Variants in CTTNBP2NL observed in about 807,000 individuals in gnomAD.
CTTNBP2NL encodes the protein CTTNBP2 N-terminal like.
A neutral mutation model predicts 32.5 loss-of-function variants in CTTNBP2NL; 16 were observed. The observed-to-expected ratio is 0.49, with a 90% CI of 0.33 to 0.75. CTTNBP2NL has a LOEUF of 0.75. Ranked by LOEUF, CTTNBP2NL falls within the 30% of genes least tolerant of loss-of-function variation. CTTNBP2NL has a pLI of 0.02. For missense variants in CTTNBP2NL, 645 were observed against 756.0 expected (o/e 0.85, Z 1.72); for synonymous variants, 298 against 289.4 (o/e 1.03, Z -0.30).
At chr1:112,452,335 CTTTTTTTTTTTTTTTT>C (rs1157736195) in intron 4 of CTTNBP2NL, among the ~76,000 whole-genome samples, 1 of 65,688 alleles carries the variant, frequency 1.5e-5, no homozygotes, top group Non-Finnish European at 2.8e-5. Flanking sequence ...CCAGTCTCTT[CTTTTTTTTTTTTTTTT>C]TTTTTTTTTT....
chr1:112,407,866 G>A (rs2483333), intron 1 of CTTNBP2NL, among the ~76,000 whole-genome samples: 62,550 of 123,960 alleles, frequency 0.5, 18,632 homozygotes, highest in African/African-American at 0.85. Context: ...TTTTTTTGAG[G>A]CAGGGTCTCG....
chr1:112,397,440 C>T (rs1264209793), intron 1 of CTTNBP2NL, among the ~76,000 whole-genome samples: 1 of 152,168 alleles, frequency 6.6e-6, no homozygotes, highest in Non-Finnish European at 1.5e-5. Context: ...TCCCCGCCCC[C>T]AGGAAACATT....
Position 112,407,702 on chromosome 1 carries a change from C to T in CTTNBP2NL, c.-133-4492C>T, listed in dbSNP as rs183210640. On this transcript the variant is annotated intron_variant, in intron 1 of 5. Coordinates refer to ENST00000271277, the MANE Select transcript of CTTNBP2NL (RefSeq NM_018704.3). ...AGTAATCCAAATATTCCAGTAATAT[C>T]TTTCACCTTCATCTGAGAGAAGCTT... Among the ~76,000 whole-genome samples the T allele has an allele frequency of 1.9e-3, 285 of 152,256 alleles. 2 individuals carry two copies. The highest frequency in any genetic ancestry group is 6.4e-3 in the African/African-American group (267 of 41,532).
intron 1 of CTTNBP2NL, among the ~76,000 whole-genome samples, chr1:112,402,397 A>G (rs954281997): frequency 1.3e-5 from 2 of 152,240 alleles, no homozygotes; most frequent in South Asian, 4.2e-4. Flanking sequence ...CAGGCTGGGC[A>G]ACAACAGTGA....
upstream of CTTNBP2NL, among the ~76,000 whole-genome samples, chr1:112,395,244 T>C (rs191886478): frequency 4.6e-5 from 7 of 152,366 alleles, no homozygotes; most frequent in East Asian, 1.3e-3. Context: ...ATAATGTGGT[T>C]ATTGTAAATG....
intron 1 of CTTNBP2NL, among the ~76,000 whole-genome samples, chr1:112,404,812 G>T (rs1166718807): frequency 6.6e-6 from 1 of 152,190 alleles, no homozygotes; most frequent in Non-Finnish European, 1.5e-5. Context: ...AGCACTTTGG[G>T]AGGCCGAGGT....
In CTTNBP2NL at chr1:112,458,878, GA is replaced by G. The variant is rs1650462532; in HGVS notation, c.*1469del. 1 of 152,146 alleles carries G rather than the reference GA, an allele frequency of 6.6e-6. No homozygotes were observed. The highest frequency in any genetic ancestry group is 1.9e-4 in the East Asian group (1 of 5,194). The allele number at this position is 152,146 out of a possible 1,614,324, so 9.4% of individuals were successfully genotyped here. ...AACTCAACTGGTCATATAAATGAGT[GA>G]AACAGGCCTCTCACACAAGCGATGT... On this transcript the variant is annotated 3_prime_UTR_variant, in exon 6 of 6. Coordinates refer to ENST00000271277, the MANE Select transcript of CTTNBP2NL (RefSeq NM_018704.3).
At chr1:112,438,064 C>T (rs1175644) in intron 3 of CTTNBP2NL, among the ~76,000 whole-genome samples, 2,755 of 152,138 alleles carry the variant, frequency 0.018, 71 homozygotes, top group African/African-American at 0.058. Flanking sequence ...AGGTTGTCTT[C>T]CAGGGTTTTT....
At chr1:112,431,810 A>AG (rs1649575420) in intron 3 of CTTNBP2NL, among the ~76,000 whole-genome samples, 2 of 152,164 alleles carry the variant, frequency 1.3e-5, no homozygotes, top group Admixed American at 1.3e-4. Context: ...ATTAGGTTTT[A>AG]TACACACAGA....
intron 1 of CTTNBP2NL, among the ~76,000 whole-genome samples, chr1:112,405,592 C>T (rs1235384174): frequency 6.6e-6 from 1 of 152,042 alleles, no homozygotes; most frequent in Non-Finnish European, 1.5e-5. Context: ...GCCGCTGCAC[C>T]CAGCCCAGAC....
At chr1:112,430,138 A>C (rs1357794680) in intron 3 of CTTNBP2NL, among the ~76,000 whole-genome samples, 2 of 152,230 alleles carry the variant, frequency 1.3e-5, no homozygotes, top group East Asian at 3.9e-4. Context: ...GAAAAACATC[A>C]AACCCCATAT....
chr1:112,422,970 T>G (rs1358607340), intron 3 of CTTNBP2NL, among the ~76,000 whole-genome samples: 1 of 152,064 alleles, frequency 6.6e-6, no homozygotes, highest in East Asian at 1.9e-4. Flanking sequence ...TTTTTAAAAT[T>G]TTTAGTAGAA....
intron 3 of CTTNBP2NL, among the ~76,000 whole-genome samples, chr1:112,430,188 T>C (rs1649521603): frequency 9.7e-6 from 1 of 103,274 alleles, no homozygotes; most frequent in Admixed American, 1.1e-4. Context: ...TTTCTTTTCT[T>C]TTCTTTTCTT....
chr1:112,434,441 C>T (rs1270378283), intron 3 of CTTNBP2NL, among the ~76,000 whole-genome samples: 2 of 152,140 alleles, frequency 1.3e-5, no homozygotes, highest in East Asian at 3.9e-4. Flanking sequence ...AACCTGTTGG[C>T]TCTTCTCCAG....
At chr1:112,443,206 A>G (rs921491787) in intron 3 of CTTNBP2NL, among the ~76,000 whole-genome samples, 3 of 152,084 alleles carry the variant, frequency 2.0e-5, no homozygotes, top group Admixed American at 2.0e-4. Context: ...AGTTCATTCT[A>G]TTTCACAGTT....
intron 3 of CTTNBP2NL, among the ~76,000 whole-genome samples, chr1:112,432,222 C>A (rs984207633): frequency 6.6e-6 from 1 of 151,538 alleles, no homozygotes; most frequent in Non-Finnish European, 1.5e-5. Flanking sequence ...TACAGGCGCC[C>A]GCCACCACAC....
Position 112,456,012 on chromosome 1 carries a change from C to T in CTTNBP2NL, c.520C>T (p.Arg174Cys), listed in dbSNP as rs370336631. 9 of 1,613,874 alleles carry T rather than the reference C, an allele frequency of 5.6e-6. No homozygotes were observed. Among genetic ancestry groups the T allele is most frequent in the East Asian group, 2.2e-5 (1 of 44,882 alleles). Residue 174 changes from arginine to cysteine, a missense_variant, in exon 6 of 6, where the codon CGC becomes TGC. By Grantham distance (180) the Arg-to-Cys change is radical. Coordinates refer to ENST00000271277, the MANE Select transcript of CTTNBP2NL (RefSeq NM_018704.3). ...TAGTCAGCTGGAAGAGGAGCGCTCC[C>T]GCCACAAGCAGCTCTCATCCATGCT... ...LSSQLEEERSRHKQLSSMLVL... is the reference protein window; with the variant it reads ...LSSQLEEERSCHKQLSSMLVL...
intron 3 of CTTNBP2NL, among the ~76,000 whole-genome samples, chr1:112,422,665 G>T (rs1649266756): frequency 1.3e-5 from 2 of 152,058 alleles, no homozygotes; most frequent in African/African-American, 4.8e-5. Flanking sequence ...TTTCATTTTA[G>T]CCATCCTTAT....
chr1:112,394,966 A>C (rs868511108), upstream of CTTNBP2NL, among the ~76,000 whole-genome samples: 2 of 152,222 alleles, frequency 1.3e-5, no homozygotes. Context: ...CATTAAATGA[A>C]AGTACATGGC....
Sources: gnomAD v4.1 joint callset for allele counts (sites outside exome capture counted in the v4.1 genomes callset) on GRCh38, gnomAD v4.1.1 for gene constraint, MANE v1.5 for transcripts, NCBI Gene and HGNC (gene_info 2026-07-23, HGNC 2026-07-21) for gene names.